Variants in ZNF423 observed in about 807,000 individuals in gnomAD.
The protein encoded by ZNF423 is zinc finger protein 423.
A neutral mutation model predicts 95.8 loss-of-function variants in ZNF423; 12 were observed. The ratio of observed to expected loss-of-function variants is 0.13; its 90% CI spans 0.08 to 0.20. The LOEUF is 0.20. Ranked by LOEUF, ZNF423 falls within the 10% of genes least tolerant of loss-of-function variation. The probability of loss-of-function intolerance (pLI) is 1.00; values close to 1 mark genes in which losing one functional copy is unlikely to be tolerated. For synonymous variants in ZNF423, 749 were observed against 711.9 expected, an observed-to-expected ratio of 1.05 and a Z score of -0.83; for missense variants, 1,316 against 1,737.1, an observed-to-expected ratio of 0.76 and a Z score of 4.31.
chr16:49,736,223 A>G (rs1256172028), intron 2 of ZNF423, among the ~76,000 whole-genome samples: 3 of 152,224 alleles, frequency 2.0e-5, no homozygotes, highest in Non-Finnish European at 4.4e-5. Flanking sequence ...TTGTCTGACG[A>G]TAAGTATTAG....
chr16:49,544,232 CT>C (rs1277057933), intron 5 of ZNF423, among the ~76,000 whole-genome samples: 1 of 152,192 alleles, frequency 6.6e-6, no homozygotes, highest in Non-Finnish European at 1.5e-5. Flanking sequence ...CAGTGCTTGC[CT>C]TTGAGGGAGG....
At chr16:49,717,997 T>C (rs1306404263) in intron 3 of ZNF423, among the ~76,000 whole-genome samples, 1 of 152,110 alleles carries the variant, frequency 6.6e-6, no homozygotes, top group East Asian at 1.9e-4. Flanking sequence ...CATTCAAGAA[T>C]CCCCTGGCCA....
intron 1 of ZNF423, among the ~76,000 whole-genome samples, chr16:49,808,397 A>G (rs1423760227): frequency 1.3e-5 from 2 of 152,202 alleles, no homozygotes; most frequent in African/African-American, 4.8e-5. Flanking sequence ...AAACATAAGA[A>G]GTAACATGTT....
At chr16:49,633,491 A>G (rs998752679) in intron 4 of ZNF423, among the ~76,000 whole-genome samples, 1 of 152,214 alleles carries the variant, frequency 6.6e-6, no homozygotes, top group Non-Finnish European at 1.5e-5. Context: ...ATGTCAGCCC[A>G]GGAGAGACTC....
chr16:49,597,256 G>A (rs1296909745), intron 5 of ZNF423, among the ~76,000 whole-genome samples: 2 of 152,168 alleles, frequency 1.3e-5, no homozygotes, highest in Non-Finnish European at 1.5e-5. Context: ...TGGGAACCTG[G>A]GGGAGGAGGG....
rs1343231441 is a variant in ZNF423, at chr16:49,565,680, A to G, written c.3602-40186T>C. On this transcript the variant is annotated intron_variant, in intron 5 of 7. Coordinates refer to ENST00000563137, the MANE Select transcript of ZNF423 (RefSeq NM_001379286.1). ...GGGTCTCTAGTCGATCTACTCAGCA[A>G]CATCAGACCCATCGGGGCTCCGTGA... 2.6e-5 allele frequency among the ~76,000 whole-genome samples: 4 copies of G among 152,308 alleles called. No homozygotes were observed. In the East Asian group the frequency reaches 5.8e-4, roughly 22 times the overall value.
intron 5 of ZNF423, among the ~76,000 whole-genome samples, chr16:49,616,195 T>G (rs1159368413): frequency 6.6e-6 from 1 of 152,142 alleles, no homozygotes; most frequent in Non-Finnish European, 1.5e-5. Context: ...TGGGGGACAT[T>G]ATGTTAAGTG....
At chr16:49,627,738 C>A (rs977419874) in intron 4 of ZNF423, among the ~76,000 whole-genome samples, 1 of 149,758 alleles carries the variant, frequency 6.7e-6, no homozygotes, top group Non-Finnish European at 1.5e-5. Flanking sequence ...TTCTATCTAC[C>A]CGCCCATCCA....
chr16:49,568,431 C>T (rs1970259414), intron 5 of ZNF423, among the ~76,000 whole-genome samples: 1 of 152,150 alleles, frequency 6.6e-6, no homozygotes, highest in African/African-American at 2.4e-5. Flanking sequence ...CTAGTTTCAG[C>T]AGCAGTGAGC....
intron 5 of ZNF423, among the ~76,000 whole-genome samples, chr16:49,581,154 C>T (rs1970662555): frequency 7.0e-6 from 1 of 142,158 alleles, no homozygotes; most frequent in Admixed American, 7.0e-5. Flanking sequence ...TCCTCCAGCC[C>T]CACTGATGTG....
chr16:49,768,368 T>TC (rs1371532118), intron 2 of ZNF423, among the ~76,000 whole-genome samples: 1 of 152,156 alleles, frequency 6.6e-6, no homozygotes, highest in Non-Finnish European at 1.5e-5. Flanking sequence ...CAGATCCGGC[T>TC]CCCGCAAAGC....
intron 5 of ZNF423, among the ~76,000 whole-genome samples, chr16:49,535,310 G>A (rs1969021686): frequency 6.6e-6 from 1 of 152,202 alleles, no homozygotes; most frequent in Non-Finnish European, 1.5e-5. Context: ...CCATCACAGA[G>A]GGTCCTGCTT....
chr16:49,582,004 C>T (rs573627481), intron 5 of ZNF423, among the ~76,000 whole-genome samples: 8 of 152,316 alleles, frequency 5.3e-5, no homozygotes, highest in African/African-American at 1.9e-4. Flanking sequence ...ATTTTGGTTG[C>T]CACGCTGGGA....
chr16:49,778,359 C>T (rs1008451134), intron 2 of ZNF423, among the ~76,000 whole-genome samples: 7 of 152,226 alleles, frequency 4.6e-5, no homozygotes, highest in African/African-American at 1.7e-4. Context: ...AGTGTCCACC[C>T]AGGAAGCCAA....
At chr16:49,739,696 GTT>G (rs10574656) in intron 2 of ZNF423, among the ~76,000 whole-genome samples, 70 of 52,600 alleles carry the variant, frequency 1.3e-3, no homozygotes, top group South Asian at 3.0e-3. Context: ...TTTTTGTTTG[GTT>G]TTTTTTTTTT....
At chr16:49,515,480 G>A (rs1165562225) in intron 7 of ZNF423, among the ~76,000 whole-genome samples, 1 of 152,236 alleles carries the variant, frequency 6.6e-6, no homozygotes, top group Non-Finnish European at 1.5e-5. Flanking sequence ...CCAGCTTTAT[G>A]TGTGGCTCTG....
intron 1 of ZNF423, among the ~76,000 whole-genome samples, chr16:49,811,070 A>T (rs1265517275): frequency 3.3e-5 from 5 of 152,206 alleles, no homozygotes; most frequent in African/African-American, 9.7e-5. Flanking sequence ...AGGCATCTGA[A>T]GGGCTGTCAC....
intron 4 of ZNF423, among the ~76,000 whole-genome samples, chr16:49,629,880 T>C (rs777978140): frequency 6.6e-6 from 1 of 152,194 alleles, no homozygotes; most frequent in African/African-American, 2.4e-5. Flanking sequence ...CAGTGCATAA[T>C]AATTATTTAA....
intron 1 of ZNF423, among the ~76,000 whole-genome samples, chr16:49,838,746 C>G (rs2035148901): frequency 6.6e-6 from 1 of 151,838 alleles, no homozygotes; most frequent in Non-Finnish European, 1.5e-5. Flanking sequence ...AGCCAGGCCC[C>G]ACCCGGGCCG....
Sources: gnomAD v4.1 joint callset for allele counts (sites outside exome capture counted in the v4.1 genomes callset) on GRCh38, gnomAD v4.1.1 for gene constraint, MANE v1.5 for transcripts, NCBI Gene and HGNC (gene_info 2026-07-23, HGNC 2026-07-21) for gene names.